Variants in TMEM117 observed in about 807,000 individuals in gnomAD.
TMEM117 encodes the protein transmembrane protein 117.
Under a neutral mutation model 52.4 loss-of-function variants are expected in TMEM117, and 27 were observed. The ratio of observed to expected loss-of-function variants is 0.51; its 90% confidence interval spans 0.38 to 0.71. The LOEUF is 0.71. Among genes scored for constraint, TMEM117 ranks in the 30% least tolerant of loss-of-function variants. TMEM117 has a pLI of 0.00. For synonymous variants in TMEM117, 215 were observed against 206.3 expected, an observed-to-expected ratio of 1.04 and a Z score of -0.36; for missense variants, 556 against 630.5, an observed-to-expected ratio of 0.88 and a Z score of 1.26.
intron 6 of TMEM117, among the ~76,000 whole-genome samples, chr12:44,366,410 C>T (rs958104914): frequency 1.3e-5 from 2 of 152,076 alleles, no homozygotes; most frequent in Non-Finnish European, 2.9e-5. Context: ...GGCCATTGAC[C>T]TCTGGACTAA....
At chr12:44,209,629 G>T (rs910899208) in intron 4 of TMEM117, among the ~76,000 whole-genome samples, 1 of 151,988 alleles carries the variant, frequency 6.6e-6, no homozygotes, top group Non-Finnish European at 1.5e-5. Context: ...ACAAATTATT[G>T]TAGGCCCTAT....
intron 4 of TMEM117, among the ~76,000 whole-genome samples, chr12:44,184,858 C>T (rs772762655): frequency 1.3e-5 from 2 of 152,150 alleles, no homozygotes; most frequent in Middle Eastern, 3.2e-3. Context: ...GTAATTTGTT[C>T]CAGGAACAAT....
chr12:44,398,484 A>T, the TMEM117 span, among the ~76,000 whole-genome samples: 4 of 152,304 alleles, frequency 2.6e-5, no homozygotes, highest in Non-Finnish European at 5.9e-5. Flanking sequence ...GCCTCCAATC[A>T]AATGGTCTCG....
chr12:43,931,718 A>C lies in TMEM117; in HGVS notation c.278-12492A>C, dbSNP rs548563472. On this transcript the variant is annotated intron_variant, in intron 2 of 7. Coordinates refer to ENST00000266534, the MANE Select transcript of TMEM117 (RefSeq NM_032256.3). The stretch of plus-strand genomic sequence containing the variant: ...TGAGTTTAGTGAATTTTTACTTTGA[A>C]CTCATATTTTAATAATATAATCTAT... Among the ~76,000 whole-genome samples, 13 of 152,312 alleles carry C rather than the reference A, an allele frequency of 8.5e-5. No homozygotes were observed. In the East Asian group the frequency reaches 2.3e-3, roughly 27 times the overall value.
chr12:44,175,923 T>A (rs1043477909), intron 4 of TMEM117, among the ~76,000 whole-genome samples: 1 of 152,178 alleles, frequency 6.6e-6, no homozygotes, highest in Non-Finnish European at 1.5e-5. Context: ...GTTCAGTAGA[T>A]GTTATGATGT....
chr12:43,879,501 A>G (rs1943858498), intron 2 of TMEM117, among the ~76,000 whole-genome samples: 1 of 152,160 alleles, frequency 6.6e-6, no homozygotes, highest in South Asian at 2.1e-4. Flanking sequence ...ATATTTTGCT[A>G]TTGGATGAGA....
At chr12:44,090,839 GT>G (rs1264179472) in intron 3 of TMEM117, among the ~76,000 whole-genome samples, 4 of 104,796 alleles carry the variant, frequency 3.8e-5, no homozygotes, top group East Asian at 5.4e-4. Context: ...GTATTTATGT[GT>G]TTTTTTTTGT....
rs79861343 is a variant in TMEM117, at chr12:43,893,954, A to G, written c.277+49026A>G. 7.6e-3 allele frequency among the ~76,000 whole-genome samples: 1,159 copies of G among 152,306 alleles called. 11 individuals carry two copies. The highest frequency in any genetic ancestry group is 0.025 in the African/African-American group (1,055 of 41,564). ...TGGCCTTTCTCCACCTCTGCATGGT[A>G]CCTCATCCTTCTGAGCTTTGGCTTT... On this transcript the variant is annotated intron_variant, in intron 2 of 7. Coordinates refer to ENST00000266534, the MANE Select transcript of TMEM117 (RefSeq NM_032256.3).
chr12:44,270,831 G>T (rs1950437125), intron 5 of TMEM117, among the ~76,000 whole-genome samples: 1 of 151,976 alleles, frequency 6.6e-6, no homozygotes, highest in East Asian at 1.9e-4. Flanking sequence ...ATAAAGAGTT[G>T]CTGGATTTTC....
chr12:44,373,805 G>A (rs1382266866), intron 6 of TMEM117, among the ~76,000 whole-genome samples: 1 of 108,124 alleles, frequency 9.2e-6, no homozygotes, highest in African/African-American at 3.7e-5. Context: ...TTTTTGAGAT[G>A]GAGTCTCGCT....
intron 2 of TMEM117, among the ~76,000 whole-genome samples, chr12:43,907,064 C>G (rs1944404751): frequency 6.6e-6 from 1 of 152,180 alleles, no homozygotes; most frequent in Admixed American, 6.5e-5. Flanking sequence ...AACAAAAAGA[C>G]AGCAGTAACC....
At chr12:44,343,200 A>C (rs963199620) in intron 6 of TMEM117, among the ~76,000 whole-genome samples, 2 of 151,698 alleles carry the variant, frequency 1.3e-5, no homozygotes, top group Non-Finnish European at 2.9e-5. Context: ...TGATCTGCCC[A>C]CCTTGGCCTC....
intron 4 of TMEM117, among the ~76,000 whole-genome samples, chr12:44,184,263 T>G (rs1019982641): frequency 6.6e-6 from 1 of 152,146 alleles, no homozygotes; most frequent in Non-Finnish European, 1.5e-5. Context: ...GGAGAATGAC[T>G]TGAACCTGGG....
chr12:44,116,865 G>A (rs1401781929), intron 3 of TMEM117, among the ~76,000 whole-genome samples: 1 of 152,112 alleles, frequency 6.6e-6, no homozygotes, highest in Non-Finnish European at 1.5e-5. Flanking sequence ...TAGTTCCTTA[G>A]TTAGGCTCTT....
chr12:44,275,995 G>C (rs1272096015), intron 5 of TMEM117, among the ~76,000 whole-genome samples: 1 of 152,070 alleles, frequency 6.6e-6, no homozygotes, highest in African/African-American at 2.4e-5. Context: ...GGGATGGATA[G>C]TTCAATTTTT....
chr12:44,013,816 T>G (rs1269332755), intron 3 of TMEM117, among the ~76,000 whole-genome samples: 1 of 152,202 alleles, frequency 6.6e-6, no homozygotes, highest in Non-Finnish European at 1.5e-5. Flanking sequence ...TTTGCCTGTC[T>G]GTCTCTCCAA....
chr12:44,143,797 G>A (rs1948603720), intron 4 of TMEM117, among the ~76,000 whole-genome samples, 173 bp downstream of exon 4: 1 of 151,742 alleles, frequency 6.6e-6, no homozygotes, highest in Non-Finnish European at 1.5e-5. Context: ...GTGGACCTCA[G>A]AAAAAAAATC....
intron 5 of TMEM117, among the ~76,000 whole-genome samples, chr12:44,255,100 A>G (rs1480821050): frequency 6.6e-6 from 1 of 152,166 alleles, no homozygotes; most frequent in Admixed American, 6.6e-5. Flanking sequence ...GCTATTGTGA[A>G]TAGTGCCACA....
chr12:44,362,845 T>C (rs199689993), intron 6 of TMEM117, among the ~76,000 whole-genome samples: 2 of 140,934 alleles, frequency 1.4e-5, no homozygotes, highest in South Asian at 2.3e-4. Flanking sequence ...TTTTTTTTTT[T>C]ATTTTTTTGG....
Sources: allele counts gnomAD v4.1 joint callset (sites outside exome capture counted in the v4.1 genomes callset), GRCh38; gene constraint gnomAD v4.1.1; transcripts MANE v1.5; gene names NCBI Gene and HGNC (gene_info 2026-07-23, HGNC 2026-07-21).